ESR2: variants seen among roughly 807,000 people sequenced by gnomAD.
The protein encoded by ESR2 is estrogen receptor 2, also known as estrogen receptor beta.
ESR2 carries 36 observed loss-of-function variants against 49.6 expected under a neutral mutation model. The observed-to-expected ratio is 0.73, with a 90% confidence interval of 0.56 to 0.96. ESR2 has a LOEUF of 0.96. Ranked by LOEUF, ESR2 falls within the 40% of genes least tolerant of loss-of-function variation. ESR2 has a pLI of 0.00. For synonymous variants in ESR2, 320 were observed against 266.1 expected (o/e 1.20, Z -1.97); for missense variants, 714 against 693.0 (o/e 1.03, Z -0.34).
chr14:64,241,116 C>A (rs955988771), intron 7 of ESR2, among the ~76,000 whole-genome samples: 36 of 139,194 alleles, frequency 2.6e-4, no homozygotes, highest in Non-Finnish European at 2.9e-4. Context: ...ACTGCACTCC[C>A]GCCTGGGCCA....
intron 7 of ESR2, among the ~76,000 whole-genome samples, chr14:64,248,516 A>C (rs1264290212): frequency 1.3e-5 from 2 of 151,318 alleles, no homozygotes; most frequent in South Asian, 2.1e-4. Flanking sequence ...AAAAAAAAAA[A>C]AAAAAAGAAA....
intron 1 of ESR2, among the ~76,000 whole-genome samples, chr14:64,319,296 A>G (rs935248680): frequency 6.6e-6 from 1 of 152,212 alleles, no homozygotes; most frequent in Non-Finnish European, 1.5e-5. Flanking sequence ...TCACAGACCT[A>G]AATGTAAAGT....
In ESR2 at chr14:64,279,765, C is replaced by T. The variant is rs370942110; in HGVS notation, c.535+216G>A. On this transcript the variant is annotated intron_variant, in intron 3 of 8. Coordinates refer to ENST00000341099, the MANE Select transcript of ESR2 (RefSeq NM_001437.3). The stretch of plus-strand genomic sequence containing the variant: ...GGGTGAACGAGGGGTAAGACCCATT[C>T]GAGTTGGCTGTATAATCTTGGGGTT... Among the ~76,000 whole-genome samples, 25 of 152,344 alleles carry T rather than the reference C, an allele frequency of 1.6e-4. 1 individual carries two copies. The highest frequency in any genetic ancestry group is 5.8e-4 in the African/African-American group (24 of 41,590).
chr14:64,295,975 C>T (rs965764286), upstream of ESR2, among the ~76,000 whole-genome samples: 4 of 136,602 alleles, frequency 2.9e-5, no homozygotes, highest in African/African-American at 8.5e-5. Flanking sequence ...ACATGGGAGG[C>T]GGAGGTTGCA....
chr14:64,246,055 C>A (rs968574671), intron 7 of ESR2, among the ~76,000 whole-genome samples: 3 of 152,146 alleles, frequency 2.0e-5, no homozygotes, highest in African/African-American at 7.2e-5. Flanking sequence ...AATATCCTGG[C>A]TGGTGGGCCG....
chr14:64,241,121 G>A (rs1218273613), intron 7 of ESR2, among the ~76,000 whole-genome samples: 2 of 137,898 alleles, frequency 1.5e-5, no homozygotes, highest in Non-Finnish European at 3.0e-5. Context: ...ACTCCCGCCT[G>A]GGCCACAGAG....
intron 4 of ESR2, among the ~76,000 whole-genome samples, chr14:64,268,218 C>T (rs1857285370): frequency 6.6e-6 from 1 of 152,184 alleles, no homozygotes. Flanking sequence ...GTTAAATACA[C>T]ATATGTATAC....
At chr14:64,299,806 G>A (rs147448198) in intron 1 of ESR2, among the ~76,000 whole-genome samples, 118 of 152,232 alleles carry the variant, frequency 7.8e-4, no homozygotes, top group Non-Finnish European at 1.3e-3. Context: ...CCTTTGCTGG[G>A]AATTATAAAC....
intron 3 of ESR2, among the ~76,000 whole-genome samples, chr14:64,270,957 A>T (rs931672620): frequency 2.6e-5 from 4 of 152,258 alleles, no homozygotes; most frequent in African/African-American, 7.2e-5. Flanking sequence ...TAAGCAAAGA[A>T]GATGTATATG....
intron 7 of ESR2, among the ~76,000 whole-genome samples, chr14:64,241,207 G>A (rs2075722789): frequency 6.6e-6 from 1 of 151,228 alleles, no homozygotes. Context: ...CAGTAGGTTA[G>A]GTGTGTTAAG....
At chr14:64,259,946 A>T (rs2076177451) in intron 5 of ESR2, among the ~76,000 whole-genome samples, 1 of 152,120 alleles carries the variant, frequency 6.6e-6, no homozygotes, top group South Asian at 2.1e-4. Context: ...CTATCATTTT[A>T]ACCACGTTCC....
chr14:64,316,864 C>G (rs900160835), intron 1 of ESR2, among the ~76,000 whole-genome samples: 1 of 152,044 alleles, frequency 6.6e-6, no homozygotes, highest in Non-Finnish European at 1.5e-5. Context: ...TGAATATATA[C>G]AAAAATCCTT....
intron 7 of ESR2, among the ~76,000 whole-genome samples, chr14:64,241,255 G>GT (rs1432843342): frequency 1.3e-5 from 2 of 151,860 alleles, no homozygotes; most frequent in African/African-American, 2.4e-5. Context: ...CTTAAGATGG[G>GT]TTTTTTGGGA....
chr14:64,308,036 AC>A (rs1208696283), intron 1 of ESR2, among the ~76,000 whole-genome samples: 17 of 151,690 alleles, frequency 1.1e-4, no homozygotes, highest in Admixed American at 9.9e-4. Flanking sequence ...TGTTGTTGAG[AC>A]GGGGTCTTGC....
At chr14:64,269,021 T>A in intron 3 of ESR2, 110 bp from the exon 4 acceptor site, 1 of 709,182 alleles carries the variant, frequency 1.4e-6, no homozygotes. Flanking sequence ...AGGGGACATC[T>A]TCTTAATGAC....
chr14:64,255,464 T>C (rs2076080447), intron 6 of ESR2, among the ~76,000 whole-genome samples: 1 of 152,170 alleles, frequency 6.6e-6, no homozygotes, highest in Non-Finnish European at 1.5e-5. Context: ...AGGGCTGTTC[T>C]CTACCAAAAC....
rs1047988498 is a variant in ESR2 at position 64,230,821 on chromosome 14, T to C, written c.*2316A>G. On this transcript the variant is annotated 3_prime_UTR_variant, in exon 9 of 9. Transcript: ENST00000341099. Reference sequence around the variant, plus strand: ...GCCATTGCCAGTTCACTCCCAGGAGTAGAAGTGATCTCTGTCTTAAGATCT... The same window carrying C: ...GCCATTGCCAGTTCACTCCCAGGAGCAGAAGTGATCTCTGTCTTAAGATCT... 4.1e-5 allele frequency: 6 copies of C among 147,478 alleles called. No individual in the cohort carries two copies. The highest frequency in any genetic ancestry group is 1.5e-4 in the African/African-American group (6 of 39,704). 9.1% of individuals were successfully genotyped at this position (147,478 alleles called of 1,614,324 possible). A position where few individuals can be genotyped will look rare whatever the true frequency, so the allele number is the denominator to read the frequency against.
intron 7 of ESR2, among the ~76,000 whole-genome samples, chr14:64,239,969 A>G (rs1178491118): frequency 2.6e-5 from 4 of 152,264 alleles, no homozygotes; most frequent in Admixed American, 1.3e-4. Context: ...CAAAAGCATT[A>G]TATCTAAATC....
In ESR2 at chr14:64,279,831, A is replaced by G. The variant is rs138825241; in HGVS notation, c.535+150T>C. ...GCAATTCCACCCCACCACCCAACCC[A>G]CTTCCAAACACACATGATCCTCTGA... On this transcript the variant is annotated intron_variant, in intron 3 of 8. Coordinates refer to ENST00000341099, the MANE Select transcript of ESR2 (RefSeq NM_001437.3). 1,134 of 702,662 alleles carry G rather than the reference A, an allele frequency of 1.6e-3. 9 individuals are homozygous for G. The African/African-American group carries it at 0.019, about 12-fold the overall frequency. 43.5% of individuals were successfully genotyped at this position (702,662 alleles called of 1,614,324 possible).
Sources: allele counts gnomAD v4.1 joint callset (sites outside exome capture counted in the v4.1 genomes callset), GRCh38; gene constraint gnomAD v4.1.1; transcripts MANE v1.5; gene names NCBI Gene and HGNC (gene_info 2026-07-23, HGNC 2026-07-21).